The following TRPC4 variants were observed in gnomAD, a reference collection of about 807,000 sequenced individuals.
The protein encoded by TRPC4 is transient receptor potential cation channel subfamily C member 4.
A neutral mutation model predicts 99.4 loss-of-function variants in TRPC4; 49 were observed. That is an observed-to-expected ratio of 0.49 (90% confidence interval 0.39 to 0.63). TRPC4 has a LOEUF of 0.63. Ranked by LOEUF, TRPC4 falls within the 20% of genes least tolerant of loss-of-function variation. TRPC4 has a pLI of 0.00. For missense variants in TRPC4, 898 were observed against 1,152.9 expected (o/e 0.78, Z 3.20); for synonymous variants, 454 against 425.9 (o/e 1.07, Z -0.81).
In TRPC4 at chr13:37,632,129, T is replaced by G. The variant is rs1473591756; in HGVS notation, c.*4774A>C. Among the ~76,000 whole-genome samples the G allele has an allele frequency of 6.6e-6, 1 of 152,186 alleles. No individual in the cohort carries two copies. Among genetic ancestry groups the G allele is most frequent in the Non-Finnish European group, 1.5e-5 (1 of 68,044 alleles). The stretch of plus-strand genomic sequence containing the variant: ...TTTTTGAGTAATTAAAGATAGAATT[T>G]TCTACCTTTGCAATTCAGATGATGG... On this transcript the variant is annotated 3_prime_UTR_variant, in exon 11 of 11. Transcript: ENST00000379705.
Position 37,731,767 on chromosome 13 carries a change from C to G in TRPC4, c.897+14170G>C, listed in dbSNP as rs143952463. Among the ~76,000 whole-genome samples the G allele has an allele frequency of 6.6e-4, 100 of 152,100 alleles. 1 individual carries two copies. Among genetic ancestry groups the G allele is most frequent in the African/African-American group, 2.3e-3 (96 of 41,536 alleles). On this transcript the variant is annotated intron_variant, in intron 3 of 10. Coordinates refer to ENST00000379705, the MANE Select transcript of TRPC4 (RefSeq NM_016179.4). ...TTTCATTAAAATAGTTAAAATCAAA[C>G]AAAATGATTTTATTTTGTATATGTT...
intron 2 of TRPC4, among the ~76,000 whole-genome samples, chr13:37,750,267 G>A (rs1210276869): frequency 6.6e-6 from 1 of 151,912 alleles, no homozygotes; most frequent in Non-Finnish European, 1.5e-5. Flanking sequence ...TAAGAATATT[G>A]CTCTTATGAA....
At chr13:37,828,258 A>T (rs916522034) in intron 1 of TRPC4, among the ~76,000 whole-genome samples, 1 of 152,186 alleles carries the variant, frequency 6.6e-6, no homozygotes, top group Non-Finnish European at 1.5e-5. Context: ...TGGGAGCTGT[A>T]GACCGGAGCT....
intron 1 of TRPC4, among the ~76,000 whole-genome samples, chr13:37,852,880 G>C (rs1014916053): frequency 6.6e-6 from 1 of 152,174 alleles, no homozygotes; most frequent in African/African-American, 2.4e-5. Context: ...TCCTTTGCCT[G>C]TGAAAAGGAG....
At chr13:37,866,469 A>G (rs945192033) in intron 1 of TRPC4, among the ~76,000 whole-genome samples, 1 of 151,778 alleles carries the variant, frequency 6.6e-6, no homozygotes, top group Non-Finnish European at 1.5e-5. Context: ...TAATTTGCTA[A>G]ATAGTTCATG....
intron 2 of TRPC4, 124 bp from the exon 3 acceptor site, chr13:37,746,579 T>C (rs1566140101): frequency 8.8e-7 from 1 of 1,132,374 alleles, no homozygotes; most frequent in East Asian, 2.6e-5. Context: ...TTTTTTTTTT[T>C]TGTAGGAGAG....
chr13:37,868,816 C>T (rs921705299), intron 1 of TRPC4, among the ~76,000 whole-genome samples: 3 of 152,110 alleles, frequency 2.0e-5, no homozygotes, highest in Non-Finnish European at 4.4e-5. Context: ...TGAATGCAGG[C>T]AGACAAGATA....
chr13:37,838,259 G>A (rs1958624742), intron 1 of TRPC4, among the ~76,000 whole-genome samples: 1 of 152,160 alleles, frequency 6.6e-6, no homozygotes, highest in African/African-American at 2.4e-5. Flanking sequence ...TTCTTAGTGT[G>A]TGGTCTCCAG....
intron 3 of TRPC4, among the ~76,000 whole-genome samples, chr13:37,743,539 T>A (rs943560912): frequency 1.3e-5 from 2 of 152,128 alleles, no homozygotes; most frequent in Admixed American, 6.6e-5. Flanking sequence ...GGAGAATATA[T>A]ATTCAATGTT....
intron 2 of TRPC4, 100 bp from the exon 3 acceptor site, chr13:37,746,555 G>A: frequency 1.6e-6 from 2 of 1,265,050 alleles, no homozygotes; most frequent in East Asian, 2.5e-5. Context: ...GGGTTTATAT[G>A]TCCTTGGCCG....
intron 3 of TRPC4, among the ~76,000 whole-genome samples, chr13:37,698,335 G>T (rs1953990955): frequency 6.6e-6 from 1 of 150,416 alleles, no homozygotes; most frequent in East Asian, 2.0e-4. Context: ...CTAATTTTTT[G>T]TATTTTTAGT....
At chr13:37,833,691 T>A (rs1478892189) in intron 1 of TRPC4, among the ~76,000 whole-genome samples, 1 of 152,134 alleles carries the variant, frequency 6.6e-6, no homozygotes, top group Non-Finnish European at 1.5e-5. Flanking sequence ...GCGCCTCAAC[T>A]GTCAGAAGAA....
intron 6 of TRPC4, among the ~76,000 whole-genome samples, chr13:37,656,889 C>G (rs758546452): frequency 6.6e-6 from 1 of 152,138 alleles, no homozygotes; most frequent in Non-Finnish European, 1.5e-5. Context: ...CCGGCTCTTC[C>G]CAAAGCTGGG....
intron 3 of TRPC4, among the ~76,000 whole-genome samples, chr13:37,728,714 G>A (rs1955143755): frequency 6.6e-6 from 1 of 152,018 alleles, no homozygotes; most frequent in Non-Finnish European, 1.5e-5. Flanking sequence ...AAGGGACCCT[G>A]AGAGCCAAAA....
intron 2 of TRPC4, among the ~76,000 whole-genome samples, chr13:37,774,807 AGCAG>A (rs993154745): frequency 6.6e-6 from 1 of 151,842 alleles, no homozygotes; most frequent in Admixed American, 6.6e-5. Context: ...AAGTGAATAT[AGCAG>A]GCAGAAAGAA....
At chr13:37,802,193 C>G (rs1957423941) in intron 1 of TRPC4, among the ~76,000 whole-genome samples, 1 of 152,042 alleles carries the variant, frequency 6.6e-6, no homozygotes, top group Admixed American at 6.6e-5. Context: ...TTAGCTTCTG[C>G]TAATGCTAGT....
chr13:37,672,469 C>T (rs986848808), intron 5 of TRPC4, among the ~76,000 whole-genome samples: 6 of 152,250 alleles, frequency 3.9e-5, no homozygotes, highest in Middle Eastern at 3.4e-3. Context: ...TGTCTTAGTA[C>T]ATGTAACTTA....
chr13:37,746,501 C>T (rs763110997), intron 2 of TRPC4, 46 bp from the exon 3 acceptor site: 1 of 1,534,720 alleles, frequency 6.5e-7, no homozygotes, highest in Middle Eastern at 2.2e-4. Context: ...TTCTTTTGTT[C>T]AAGTCTGTGA....
chr13:37,849,655 A>C lies in TRPC4; in HGVS notation c.-28+19940T>G, dbSNP rs567274586. ...TCTCATTGTGCCTAAAACAGATCTT[A>C]AACTGGAAGGGATTGTGGAAAACAA... On this transcript the variant is annotated intron_variant, in intron 1 of 10. Transcript: ENST00000379705. Among the ~76,000 whole-genome samples the C allele has an allele frequency of 2.0e-5, 3 of 152,326 alleles. No homozygotes were observed. In the South Asian group the frequency reaches 6.2e-4, roughly 32 times the overall value.
Sources: allele counts gnomAD v4.1 joint callset (sites outside exome capture counted in the v4.1 genomes callset), GRCh38; gene constraint gnomAD v4.1.1; transcripts MANE v1.5; gene names NCBI Gene and HGNC (gene_info 2026-07-23, HGNC 2026-07-21).